The following CSMD1 variants were observed in gnomAD, a reference collection of about 807,000 sequenced individuals.
CSMD1 encodes CUB and Sushi multiple domains 1, also known as CUB and sushi domain-containing protein 1.
A neutral mutation model predicts 417.5 loss-of-function variants in CSMD1; 213 were observed. That is an observed-to-expected ratio of 0.51 (90% CI 0.46 to 0.57). The LOEUF is 0.57. Ranked by LOEUF, CSMD1 falls within the 20% of genes least tolerant of loss-of-function variation. CSMD1 has a pLI of 0.00. For synonymous variants in CSMD1, 2,862 were observed against 1,736.8 expected (o/e 1.65, Z -16.11); for missense variants, 6,923 against 4,529.7 (o/e 1.53, Z -15.17).
At chr8:3,860,994 A>G (rs572305463) in intron 5 of CSMD1, among the ~76,000 whole-genome samples, 1 of 152,244 alleles carries the variant, frequency 6.6e-6, no homozygotes, top group Non-Finnish European at 1.5e-5. Context: ...CAAAGCATGG[A>G]AAGTATGACA....
intron 21 of CSMD1, among the ~76,000 whole-genome samples, chr8:3,352,643 C>A (rs1371681468): frequency 6.6e-6 from 1 of 152,128 alleles, no homozygotes; most frequent in Non-Finnish European, 1.5e-5. Flanking sequence ...AGTTCAAGAC[C>A]AGCCTGGCCA....
intron 3 of CSMD1, among the ~76,000 whole-genome samples, chr8:4,400,733 T>C (rs979148510): frequency 6.6e-6 from 1 of 152,024 alleles, no homozygotes; most frequent in African/African-American, 2.4e-5. Flanking sequence ...TTCTAAGAGT[T>C]TCTCTCTAAT....
intron 8 of CSMD1, among the ~76,000 whole-genome samples, chr8:3,595,031 C>T (rs1165915489): frequency 6.6e-6 from 1 of 152,212 alleles, no homozygotes; most frequent in African/African-American, 2.4e-5. Context: ...TCAGCATCCA[C>T]GCGGCACGTG....
At chr8:4,786,211 T>C (rs190798966) in intron 1 of CSMD1, among the ~76,000 whole-genome samples, 301 of 152,296 alleles carry the variant, frequency 2.0e-3, no homozygotes, top group African/African-American at 6.8e-3. Flanking sequence ...AAGAATCTTA[T>C]TTCACCAATT....
At chr8:4,157,742 G>T (rs1300848260) in intron 3 of CSMD1, among the ~76,000 whole-genome samples, 1 of 152,200 alleles carries the variant, frequency 6.6e-6, no homozygotes, top group Non-Finnish European at 1.5e-5. Context: ...TTTCCTAGGA[G>T]TCAGGGCCAG....
intron 1 of CSMD1, among the ~76,000 whole-genome samples, chr8:4,811,718 A>T (rs746276700): frequency 1.3e-5 from 2 of 152,072 alleles, no homozygotes; most frequent in South Asian, 2.1e-4. Flanking sequence ...ATGAATACTG[A>T]TTCATTTTTT....
chr8:4,307,594 G>C (rs1798317497), intron 3 of CSMD1, among the ~76,000 whole-genome samples: 1 of 152,128 alleles, frequency 6.6e-6, no homozygotes, highest in African/African-American at 2.4e-5. Context: ...TCCAGCCTCT[G>C]TACCCACCCA....
At chr8:4,849,122 G>T (rs1342160690) in intron 1 of CSMD1, among the ~76,000 whole-genome samples, 4 of 152,086 alleles carry the variant, frequency 2.6e-5, no homozygotes. Flanking sequence ...CCTTGTGTAA[G>T]TCTAGGCTAA....
intron 10 of CSMD1, among the ~76,000 whole-genome samples, chr8:3,509,390 A>G (rs1345836599): frequency 6.6e-6 from 1 of 152,216 alleles, no homozygotes; most frequent in Admixed American, 6.5e-5. Flanking sequence ...ATCCATTGCT[A>G]TTAAATACAA....
chr8:4,824,419 C>A (rs1455342520), intron 1 of CSMD1, among the ~76,000 whole-genome samples: 1 of 152,068 alleles, frequency 6.6e-6, no homozygotes, highest in Non-Finnish European at 1.5e-5. Flanking sequence ...TCTAAGCTAA[C>A]ATGTGGTTCC....
intron 41 of CSMD1, among the ~76,000 whole-genome samples, chr8:3,133,740 G>A (rs950914952): frequency 2.0e-5 from 3 of 152,190 alleles, no homozygotes; most frequent in Non-Finnish European, 4.4e-5. Flanking sequence ...AGGACCTACA[G>A]GTTGGACTCA....
intron 5 of CSMD1, among the ~76,000 whole-genome samples, chr8:3,801,845 T>C (rs1164549089): frequency 6.6e-6 from 1 of 152,080 alleles, no homozygotes; most frequent in Non-Finnish European, 1.5e-5. Flanking sequence ...ACCAGAATCA[T>C]TAAAGTAAGT....
intron 3 of CSMD1, among the ~76,000 whole-genome samples, chr8:4,040,043 A>G (rs1797807093): frequency 1.4e-5 from 2 of 146,774 alleles, no homozygotes; most frequent in African/African-American, 2.4e-5. Flanking sequence ...CCCAATTCTA[A>G]AGCACCATGC....
chr8:3,550,002 T>G (rs963487410), intron 10 of CSMD1, among the ~76,000 whole-genome samples: 2 of 152,230 alleles, frequency 1.3e-5, no homozygotes, highest in Non-Finnish European at 2.9e-5. Flanking sequence ...GTTGCTTATG[T>G]TTTAATGACC....
chr8:3,974,052 T>G (rs77429713), intron 5 of CSMD1, among the ~76,000 whole-genome samples: 1 of 152,150 alleles, frequency 6.6e-6, no homozygotes, highest in Non-Finnish European at 1.5e-5. Flanking sequence ...TCATTGACTA[T>G]AGTCTCCTCG....
At chr8:3,643,128 AG>A (rs141594752) in intron 7 of CSMD1, among the ~76,000 whole-genome samples, 3,419 of 152,232 alleles carry the variant, frequency 0.022, 66 homozygotes, top group Non-Finnish European at 0.033. Context: ...ACAATTTAAC[AG>A]TCAGGGAAAA....
chr8:4,723,399 A>C (rs1809191781), intron 1 of CSMD1, among the ~76,000 whole-genome samples: 1 of 152,196 alleles, frequency 6.6e-6, no homozygotes, highest in African/African-American at 2.4e-5. Context: ...ATTTCTGAAA[A>C]CAAAAAGAGG....
intron 1 of CSMD1, among the ~76,000 whole-genome samples, chr8:4,855,988 G>GA (rs1248377428): frequency 1.3e-5 from 2 of 151,456 alleles, no homozygotes; most frequent in Non-Finnish European, 2.9e-5. Context: ...TGAAATGAAG[G>GA]AAAAAATGTT....
intron 2 of CSMD1, among the ~76,000 whole-genome samples, chr8:4,533,671 A>G (rs1203017328): frequency 6.6e-6 from 1 of 152,158 alleles, no homozygotes; most frequent in Non-Finnish European, 1.5e-5. Context: ...CAAACTGAAG[A>G]TTTTTAAAAA....
Sources: allele counts gnomAD v4.1 joint callset (sites outside exome capture counted in the v4.1 genomes callset), GRCh38; gene constraint gnomAD v4.1.1; transcripts MANE v1.5; gene names NCBI Gene and HGNC (gene_info 2026-07-23, HGNC 2026-07-21).